The following KIAA0232 variants were observed in gnomAD, a reference collection of about 807,000 sequenced individuals.
KIAA0232 encodes the protein KIAA0232.
In KIAA0232, 27 loss-of-function variants were observed where a neutral mutation model predicts 122.0. The ratio of observed to expected loss-of-function variants is 0.22; its 90% CI spans 0.16 to 0.31. The LOEUF (loss-of-function observed/expected upper bound fraction) is 0.31, where lower values mean the gene tolerates loss of function less well. Among genes scored for constraint, KIAA0232 ranks in the 10% least tolerant of loss-of-function variants. The pLI is 1.00. For missense variants in KIAA0232, 1,551 were observed against 1,634.2 expected, an observed-to-expected ratio of 0.95 and a Z score of 0.88; for synonymous variants, 613 against 587.6, an observed-to-expected ratio of 1.04 and a Z score of -0.63.
chr4:6,868,476 T>G (rs1721300342), intron 7 of KIAA0232, among the ~76,000 whole-genome samples: 1 of 151,966 alleles, frequency 6.6e-6, no homozygotes, highest in Non-Finnish European at 1.5e-5. Flanking sequence ...GGTTTGGGAG[T>G]GATGGCAGGA....
intron 1 of KIAA0232, among the ~76,000 whole-genome samples, chr4:6,790,507 G>T (rs1716845732): frequency 1.3e-5 from 2 of 149,210 alleles, no homozygotes; most frequent in South Asian, 4.2e-4. Flanking sequence ...TGATCCTCCT[G>T]CCTCAGCTGG....
chr4:6,822,815 A>G (rs1281504798), intron 2 of KIAA0232, among the ~76,000 whole-genome samples: 2 of 150,598 alleles, frequency 1.3e-5, no homozygotes, highest in African/African-American at 2.4e-5. Context: ...TTTAGGGTAC[A>G]TGTGCACAGT....
Position 6,861,091 on chromosome 4 carries a change from A to G in KIAA0232, c.709A>G (p.Ser237Gly), listed in dbSNP as rs773494857. The change falls in exon 7 of 10, where the codon AGT becomes GGT. Residue 237 changes from serine (S) to glycine (G), a missense_variant. Coordinates refer to ENST00000307659, the MANE Select transcript of KIAA0232 (RefSeq NM_014743.3). ...SESEVTKERS[S>G]EVPTTVHEKT... ...AAGTGAAGTCACCAAGGAAAGAAGC[A>G]GTGAAGTACCCACCACTGTGCATGA... The G allele has an allele frequency of 6.2e-7, 1 of 1,614,246 alleles. No homozygotes were observed. The highest frequency in any genetic ancestry group is 8.5e-7 in the Non-Finnish European group (1 of 1,180,038).
chr4:6,795,038 G>T (rs759567229), intron 1 of KIAA0232, among the ~76,000 whole-genome samples: 1 of 151,640 alleles, frequency 6.6e-6, no homozygotes, highest in East Asian at 1.9e-4. Flanking sequence ...GCCAGATTGC[G>T]CAGTTAAATA....
intron 3 of KIAA0232, among the ~76,000 whole-genome samples, chr4:6,841,746 C>G (rs972352090): frequency 6.6e-6 from 1 of 152,096 alleles, no homozygotes; most frequent in African/African-American, 2.4e-5. Flanking sequence ...AAAAATTTGA[C>G]AAAAGTGCAA....
chr4:6,812,177 C>G (rs570092208), intron 2 of KIAA0232, among the ~76,000 whole-genome samples: 2 of 152,256 alleles, frequency 1.3e-5, no homozygotes, highest in East Asian at 3.9e-4. Flanking sequence ...ATTGAAAGAG[C>G]TAATGAGTCT....
chr4:6,830,797 A>G (rs1718935253), intron 3 of KIAA0232, among the ~76,000 whole-genome samples: 1 of 152,040 alleles, frequency 6.6e-6, no homozygotes. Context: ...CAGCAGAAAG[A>G]GCAGGCTTCT....
At chr4:6,820,400 A>G (rs1043377498) in intron 2 of KIAA0232, among the ~76,000 whole-genome samples, 9 of 152,122 alleles carry the variant, frequency 5.9e-5, no homozygotes, top group Non-Finnish European at 1.2e-4. Context: ...AATTAAGTGG[A>G]GGGTTTGTTT....
intron 4 of KIAA0232, among the ~76,000 whole-genome samples, chr4:6,853,992 G>A (rs1288887527): frequency 6.6e-6 from 1 of 152,190 alleles, no homozygotes; most frequent in Non-Finnish European, 1.5e-5. Flanking sequence ...ACCTAGCGTT[G>A]GTCAGAGAGA....
At chr4:6,814,076 G>A (rs1718002563) in intron 2 of KIAA0232, among the ~76,000 whole-genome samples, 1 of 152,142 alleles carries the variant, frequency 6.6e-6, no homozygotes, top group South Asian at 2.1e-4. Flanking sequence ...TGTACTAGGT[G>A]TACAACTGCA....
intron 3 of KIAA0232, among the ~76,000 whole-genome samples, chr4:6,837,923 G>A (rs992491269): frequency 6.6e-6 from 1 of 151,982 alleles, no homozygotes; most frequent in Non-Finnish European, 1.5e-5. Context: ...GAGGGGGAGG[G>A]GGAGGGAGAG....
chr4:6,868,933 T>C (rs778289356), intron 7 of KIAA0232, among the ~76,000 whole-genome samples: 1 of 152,144 alleles, frequency 6.6e-6, no homozygotes, highest in Non-Finnish European at 1.5e-5. Flanking sequence ...TCACAGTGGT[T>C]TCAGCAAGAG....
At chr4:6,792,053 C>T (rs1447684643) in intron 1 of KIAA0232, among the ~76,000 whole-genome samples, 1 of 152,194 alleles carries the variant, frequency 6.6e-6, no homozygotes, top group Non-Finnish European at 1.5e-5. Context: ...TCCTCCTTGC[C>T]TTCTGCCATG....
rs1560206910 is a variant in KIAA0232, at chr4:6,866,289, C to T, written c.3801+2106C>T. 3.2e-6 allele frequency: 3 copies of T among 951,870 alleles called. No individual in the cohort carries two copies. The South Asian group carries it at 1.5e-4, about 46-fold the overall frequency. The allele number at this position is 951,870 out of a possible 1,614,324, so 59.0% of individuals were successfully genotyped here. Reference sequence around the variant, plus strand: ...GTATGTTGATGTATTTATGTGTTATCAGAATTCCGGGTTTCCTTGAAAGGT... The same window carrying T: ...GTATGTTGATGTATTTATGTGTTATTAGAATTCCGGGTTTCCTTGAAAGGT... On this transcript the variant is annotated intron_variant, in intron 7 of 9. Coordinates refer to ENST00000307659, the MANE Select transcript of KIAA0232 (RefSeq NM_014743.3).
Position 6,863,103 on chromosome 4 carries a change from T to C in KIAA0232, c.2721T>C (p.Asp907=). ...CTTCTAGTGAGCTATCAAACGTGGA[T>C]GGTGGTGATTATACAACACCCTCTA... ...AFASSELSNV[D]GGDYTTPSKP... The change falls in exon 7 of 10, where the codon GAT becomes GAC. Residue 907 remains aspartate (D), a synonymous_variant. Transcript: ENST00000307659. The C allele has an allele frequency of 1.2e-6, 2 of 1,614,234 alleles. No homozygotes were observed. Among genetic ancestry groups the C allele is most frequent in the Non-Finnish European group, 1.7e-6 (2 of 1,180,034 alleles).
chr4:6,814,186 G>A (rs1234474863), intron 2 of KIAA0232, among the ~76,000 whole-genome samples: 1 of 152,112 alleles, frequency 6.6e-6, no homozygotes, highest in Non-Finnish European at 1.5e-5. Context: ...CTAAAAACAA[G>A]TAGAAAACTG....
chr4:6,871,985 G>A (rs1279950190), intron 8 of KIAA0232, among the ~76,000 whole-genome samples: 7 of 152,232 alleles, frequency 4.6e-5, no homozygotes, highest in Non-Finnish European at 1.5e-5. Flanking sequence ...CCTGTGAAGA[G>A]AGTTGCCTGC....
intron 4 of KIAA0232, among the ~76,000 whole-genome samples, chr4:6,852,156 G>A (rs150799347): frequency 6.6e-6 from 1 of 152,180 alleles, no homozygotes; most frequent in African/African-American, 2.4e-5. Context: ...GAGAGCAAAT[G>A]TGCATGAGAG....
At chr4:6,828,301 G>C (rs764597639) in intron 3 of KIAA0232, among the ~76,000 whole-genome samples, 5 of 152,194 alleles carry the variant, frequency 3.3e-5, no homozygotes, top group South Asian at 2.1e-4. Context: ...TTGAGCCTGG[G>C]GGGTGGAGGC....
Sources: gnomAD v4.1 joint callset for allele counts (sites outside exome capture counted in the v4.1 genomes callset) on GRCh38, gnomAD v4.1.1 for gene constraint, MANE v1.5 for transcripts, NCBI Gene and HGNC (gene_info 2026-07-23, HGNC 2026-07-21) for gene names.